Variants in P4HA2 observed in about 807,000 individuals in gnomAD.
The protein encoded by P4HA2 is prolyl 4-hydroxylase subunit alpha-2.
P4HA2 carries 46 observed loss-of-function variants against 76.9 expected under a neutral mutation model. The ratio of observed to expected loss-of-function variants is 0.60; its 90% CI spans 0.47 to 0.76. P4HA2 has a LOEUF of 0.76. Ranked by LOEUF, P4HA2 falls within the 30% of genes least tolerant of loss-of-function variation. P4HA2 has a pLI of 0.00. For synonymous variants in P4HA2, 243 were observed against 254.0 expected (o/e 0.96, Z 0.41); for missense variants, 583 against 669.4 (o/e 0.87, Z 1.42).
chr5:132,212,455 G>T (rs1753216099), intron 5 of P4HA2, among the ~76,000 whole-genome samples: 1 of 152,170 alleles, frequency 6.6e-6, no homozygotes, highest in Non-Finnish European at 1.5e-5. Context: ...ATAGGCCTTA[G>T]GCTTCTGGCT....
chr5:132,198,153 A>C, intron 12 of P4HA2, 168 bp downstream of exon 12: 3 of 1,611,728 alleles, frequency 1.9e-6, no homozygotes, highest in Non-Finnish European at 2.5e-6. Context: ...GATATAAGGC[A>C]GCCCTCTGGA....
chr5:132,205,232 A>T (rs1752047048), intron 8 of P4HA2, among the ~76,000 whole-genome samples: 2 of 152,154 alleles, frequency 1.3e-5, no homozygotes, highest in South Asian at 4.1e-4. Context: ...GGAGGAGACC[A>T]CCTAGCTGAG....
intron 5 of P4HA2, among the ~76,000 whole-genome samples, chr5:132,211,644 C>T (rs1753107668): frequency 6.6e-6 from 1 of 152,164 alleles, no homozygotes; most frequent in South Asian, 2.1e-4. Flanking sequence ...AGCCCCTTTT[C>T]CTTCTCCACA....
At chr5:132,197,884 T>A (rs1474785122) in intron 12 of P4HA2, 1 of 377,306 alleles carries the variant, frequency 2.7e-6, no homozygotes. Flanking sequence ...TTGCGCACTA[T>A]GAATGTATTT....
chr5:132,214,998 G>A (rs1166880788), intron 4 of P4HA2, among the ~76,000 whole-genome samples: 1 of 152,238 alleles, frequency 6.6e-6, no homozygotes, highest in African/African-American at 2.4e-5. Context: ...AAGCTGAGAA[G>A]TGAGAGGGGA....
At chr5:132,205,464 G>C (rs1752087581) in intron 8 of P4HA2, among the ~76,000 whole-genome samples, 1 of 152,146 alleles carries the variant, frequency 6.6e-6, no homozygotes, top group South Asian at 2.1e-4. Flanking sequence ...ATGCAGGGGA[G>C]GGACACTCAA....
In P4HA2 at chr5:132,224,670, A is replaced by G. The variant is rs556605385; in HGVS notation, c.-19+3120T>C. On this transcript the variant is annotated intron_variant, in intron 1 of 14. Coordinates refer to ENST00000360568, the MANE Select transcript of P4HA2 (RefSeq NM_001017974.2). Reference sequence around the variant, plus strand: ...CAGGGGATAACCCTGGAACTGGTCAATCACTGGCTCTAAAGCTCATCAAGC... The same window carrying G: ...CAGGGGATAACCCTGGAACTGGTCAGTCACTGGCTCTAAAGCTCATCAAGC... 1.2e-4 allele frequency among the ~76,000 whole-genome samples: 19 copies of G among 152,290 alleles called. No individual in the cohort carries two copies. In the South Asian group the frequency reaches 3.9e-3, roughly 32 times the overall value.
chr5:132,217,698 T>C, intron 3 of P4HA2, 54 bp downstream of exon 3: 1 of 1,102,972 alleles, frequency 9.1e-7, no homozygotes, highest in Non-Finnish European at 1.4e-6. Context: ...CCTTGTTCCT[T>C]GAGGGGCAGA....
chr5:132,209,646 G>A (rs757508865), intron 6 of P4HA2, among the ~76,000 whole-genome samples: 12 of 152,052 alleles, frequency 7.9e-5, no homozygotes, highest in Non-Finnish European at 1.5e-4. Flanking sequence ...TGGGGCATGT[G>A]CCTCTGTAAT....
At chr5:132,207,943 C>G in intron 7 of P4HA2, 59 bp from the exon 8 acceptor site, 3 of 1,378,880 alleles carry the variant, frequency 2.2e-6, no homozygotes, top group Non-Finnish European at 3.0e-6. Flanking sequence ...CGGTCCCAGT[C>G]TGGCTGTCTG....
chr5:132,202,448 T>C (rs1033670900), intron 10 of P4HA2: 4 of 152,248 alleles, frequency 2.6e-5, no homozygotes, highest in East Asian at 1.9e-4. Context: ...ATGAGATCTA[T>C]GGTAGATCAG....
chr5:132,194,850 A>G, intron 14 of P4HA2, 76 bp downstream of exon 14: 1 of 1,018,468 alleles, frequency 9.8e-7, no homozygotes, highest in Non-Finnish European at 1.6e-6. Context: ...GTTGCCTCCC[A>G]GCTCAGAATC....
At position 132,217,865 on chromosome 5, in the gene P4HA2, A is replaced by G. The variant is rs1561493948; in HGVS notation, c.83-17T>C. On this transcript the variant is annotated splice_polypyrimidine_tract_variant and intron_variant, in intron 2 of 14. Coordinates refer to ENST00000360568, the MANE Select transcript of P4HA2 (RefSeq NM_001017974.2). Reference sequence around the variant, plus strand: ...TCATGTGCCCTGCAAGGGAGAGAAGAAAGACACCAGTGAGAAACAGATGAG... The same window carrying G: ...TCATGTGCCCTGCAAGGGAGAGAAGGAAGACACCAGTGAGAAACAGATGAG... 3.3e-6 allele frequency: 5 copies of G among 1,514,032 alleles called. No homozygotes were observed. The highest frequency in any genetic ancestry group is 4.6e-6 in the Non-Finnish European group (5 of 1,094,520). 93.8% of individuals were successfully genotyped at this position (1,514,032 alleles called of 1,614,324 possible).
At chr5:132,222,369 C>T (rs2126635198) in intron 1 of P4HA2, among the ~76,000 whole-genome samples, 1 of 152,210 alleles carries the variant, frequency 6.6e-6, no homozygotes, top group East Asian at 1.9e-4. Flanking sequence ...CCACGGCACC[C>T]TAGGCAAGTA....
In P4HA2 at chr5:132,225,214, G is replaced by A. The variant is rs185897580; in HGVS notation, c.-19+2576C>T. On this transcript the variant is annotated intron_variant, in intron 1 of 14. Transcript: ENST00000360568. ...ATTGCTAGATGTGAGCAACTTTCCC[G>A]AAGTTTAACTCTCACTCCAGCACTC... Among the ~76,000 whole-genome samples, 32 of 152,236 alleles carry A rather than the reference G, an allele frequency of 2.1e-4. 1 individual carries two copies. In the East Asian group the frequency reaches 5.8e-3, roughly 28 times the overall value.
intron 10 of P4HA2, chr5:132,200,435 C>A: frequency 6.1e-6 from 1 of 163,164 alleles, no homozygotes; most frequent in South Asian, 2.0e-4. Context: ...AAGCCTGGTT[C>A]AGCAGGTGGC....
At chr5:132,198,000 A>G (rs760457505) in intron 12 of P4HA2, 326 of 985,178 alleles carry the variant, frequency 3.3e-4, no homozygotes, top group Non-Finnish European at 3.8e-4. Flanking sequence ...GGAGCCAGGA[A>G]TGTTAAAGTC....
intron 1 of P4HA2, among the ~76,000 whole-genome samples, chr5:132,220,367 C>G (rs889454408): frequency 6.6e-6 from 1 of 152,156 alleles, no homozygotes; most frequent in South Asian, 2.1e-4. Context: ...AGGGAGGGGA[C>G]AGTGAAAACA....
chr5:132,219,184 C>G (rs1754311469), intron 1 of P4HA2, among the ~76,000 whole-genome samples: 1 of 152,142 alleles, frequency 6.6e-6, no homozygotes, highest in Non-Finnish European at 1.5e-5. Flanking sequence ...AGATGGCCAG[C>G]CAGAAGAGGA....
Sources: allele counts gnomAD v4.1 joint callset (sites outside exome capture counted in the v4.1 genomes callset), GRCh38; gene constraint gnomAD v4.1.1; transcripts MANE v1.5; gene names NCBI Gene and HGNC (gene_info 2026-07-23, HGNC 2026-07-21).